The following GJA10 variants were observed in gnomAD, a reference collection of about 807,000 sequenced individuals.
The protein encoded by GJA10 is gap junction protein alpha 10.
For synonymous variants in GJA10, 239 were observed against 233.0 expected (o/e 1.03, Z -0.23); for missense variants, 685 against 651.9 (o/e 1.05, Z -0.55).
At position 89,895,998 on chromosome 6, in the gene GJA10, G is replaced by T. The variant is rs1484300114; in HGVS notation, c.1530G>T (p.Val510=). Residue 510 remains valine, a synonymous_variant, in exon 1 of 1, where the codon GTG becomes GTT. Transcript: ENST00000369352. The stretch of plus-strand genomic sequence containing the variant: ...TTTTTCCTTTCTTTCTTCCTGGGGT[G>T]TGTATGTATGTTTGTGTTGACAGAG... ...CFLFPFFLPG[V]CMYVCVDREA... is the part of the protein sequence containing the mutation. 1.6e-5 allele frequency: 26 copies of T among 1,613,948 alleles called. No individual in the cohort carries two copies. Among genetic ancestry groups the T allele is most frequent in the Non-Finnish European group, 2.0e-5 (24 of 1,179,966 alleles).
Position 89,894,764 on chromosome 6 carries a change from G to A in GJA10, c.296G>A (p.Arg99Lys). 6.2e-7 allele frequency: 1 copy of A among 1,614,190 alleles called. No individual in the cohort carries two copies. The highest frequency in any genetic ancestry group is 1.3e-5 in the African/African-American group (1 of 75,040). The part of the protein sequence containing the change: ...SLVYMGHALY[R>K]LRAFEKDRQR... ...GTCTATATGGGCCATGCACTTTATA[G>A]GCTCAGGGCCTTTGAGAAAGACAGG... Residue 99 changes from arginine to lysine, a missense_variant, in exon 1 of 1, where the codon AGG (arginine) becomes AAG (lysine). Coordinates refer to ENST00000369352, the MANE Select transcript of GJA10 (RefSeq NM_032602.2).
rs776551803 is a variant in GJA10 at position 89,894,706 on chromosome 6, T to A, written c.238T>A (p.Leu80Ile). Residue 80 changes from leucine to isoleucine, a missense_variant, in exon 1 of 1, where the codon TTA becomes ATA. By Grantham distance (5) the Leu-to-Ile change is conservative. Coordinates refer to ENST00000369352, the MANE Select transcript of GJA10 (RefSeq NM_032602.2). ...FPISLIRFWV[L>I]QIIFVSSPSL... ...TATCTCTTTGATCAGGTTCTGGGTT[T>A]TACAGATCATCTTTGTGTCTTCTCC... is the stretch of plus-strand genomic sequence containing the variant. The A allele has an allele frequency of 6.8e-6, 11 of 1,614,106 alleles. No homozygotes were observed. Among genetic ancestry groups the A allele is most frequent in the Non-Finnish European group, 8.5e-6 (10 of 1,180,048 alleles).
At position 89,895,670 on chromosome 6, in the gene GJA10, A is replaced by G; in HGVS notation, c.1202A>G (p.Asp401Gly). 1.2e-6 allele frequency: 2 copies of G among 1,614,196 alleles called. No individual in the cohort carries two copies. Among genetic ancestry groups the G allele is most frequent in the Non-Finnish European group, 1.7e-6 (2 of 1,180,032 alleles). ...GAACCCTCAGGTGAGCCTCTCACAG[A>G]TCTTCATAGTCACTGCAGAGACAGT... ...DPEPSGEPLT[D>G]LHSHCRDSEG... The change falls in exon 1 of 1, where the codon GAT becomes GGT. Residue 401 changes from aspartate to glycine, a missense_variant. Physicochemically the swap from Asp to Gly is moderately conservative, Grantham distance 94. Transcript: ENST00000369352.
chr6:89,894,597 T>C lies in GJA10; in HGVS notation c.129T>C (p.Asp43=). 6.2e-6 allele frequency: 10 copies of C among 1,614,228 alleles called. No homozygotes were observed. Among genetic ancestry groups the C allele is most frequent in the African/African-American group, 1.3e-5 (1 of 75,058 alleles). Residue 43 remains aspartate (D), a synonymous_variant, in exon 1 of 1, where the codon GAT becomes GAC. Coordinates refer to ENST00000369352, the MANE Select transcript of GJA10 (RefSeq NM_032602.2). ...RMLVLRVAAE[D]VWDDEQSAFA... ...TGGTACTTCGTGTGGCTGCTGAGGA[T>C]GTCTGGGATGATGAACAGTCAGCAT... is the stretch of plus-strand genomic sequence containing the variant.
In GJA10 at chr6:89,894,895, A is replaced by G. The variant is rs1244328882; in HGVS notation, c.427A>G (p.Arg143Gly). Residue 143 changes from arginine (R) to glycine (G), a missense_variant, in exon 1 of 1, where the codon AGG (arginine) becomes GGG (glycine). Coordinates refer to ENST00000369352, the MANE Select transcript of GJA10 (RefSeq NM_032602.2). ...RELRRLEEQKRIHKVPLKGCL... is the reference protein window; with the variant it reads ...RELRRLEEQKGIHKVPLKGCL... Reference sequence around the variant, plus strand: ...ACTGAGGAGGTTAGAGGAGCAGAAGAGGATCCATAAAGTCCCTCTGAAAGG... The same window carrying G: ...ACTGAGGAGGTTAGAGGAGCAGAAGGGGATCCATAAAGTCCCTCTGAAAGG... The G allele has an allele frequency of 6.2e-7, 1 of 1,614,092 alleles. No individual in the cohort carries two copies.
In GJA10 at chr6:89,895,997, T is replaced by C. The variant is rs1240534179; in HGVS notation, c.1529T>C (p.Val510Ala). ...CFLFPFFLPGVCMYVCVDREA... is the reference protein window; with the variant it reads ...CFLFPFFLPGACMYVCVDREA... The stretch of plus-strand genomic sequence containing the variant: ...CTTTTTCCTTTCTTTCTTCCTGGGG[T>C]GTGTATGTATGTTTGTGTTGACAGA... The change falls in exon 1 of 1, where the codon GTG becomes GCG. Residue 510 changes from valine to alanine, a missense_variant. Val to Ala is a moderately conservative substitution (Grantham distance 64). Transcript: ENST00000369352. The C allele has an allele frequency of 6.2e-7, 1 of 1,613,848 alleles. No homozygotes were observed. Among genetic ancestry groups the C allele is most frequent in the Non-Finnish European group, 8.5e-7 (1 of 1,179,908 alleles).
chr6:89,895,397 A>T lies in GJA10; in HGVS notation c.929A>T (p.Gln310Leu). 1 of 1,614,240 alleles carries T rather than the reference A, an allele frequency of 6.2e-7. No individual in the cohort carries two copies. Among genetic ancestry groups the T allele is most frequent in the East Asian group, 2.2e-5 (1 of 44,888 alleles). Residue 310 changes from glutamine to leucine, a missense_variant, in exon 1 of 1, where the codon CAA becomes CTA. By Grantham distance (113) the Gln-to-Leu change is moderately radical. Coordinates refer to ENST00000369352, the MANE Select transcript of GJA10 (RefSeq NM_032602.2). ...ATGTGGCAAATCCCACAGCCAAGGC[A>T]ACTTGAAGTAGACCCTTCCAATGGG... The part of the protein sequence containing the change: ...KTMWQIPQPR[Q>L]LEVDPSNGKK...
rs1470415209 is a variant in GJA10, at chr6:89,896,070, T to C, written c.1602T>C (p.His534=). 2.5e-6 allele frequency: 4 copies of C among 1,592,612 alleles called. No homozygotes were observed. In the South Asian group the frequency reaches 3.4e-5, roughly 13 times the overall value. Residue 534 remains histidine, a synonymous_variant, in exon 1 of 1, where the codon CAT becomes CAC. Transcript: ENST00000369352. ...ATTTATGGAGAGATAAAATTATTCATTCGATACATTCAGTTAAATTCAATT... is the reference window on the plus strand; with the variant it reads ...ATTTATGGAGAGATAAAATTATTCACTCGATACATTCAGTTAAATTCAATT... ...GDYLWRDKII[H]SIHSVKFNS
In GJA10 at chr6:89,894,903, T is replaced by A. The variant is rs750627146; in HGVS notation, c.435T>A (p.His145Gln). Residue 145 changes from histidine to glutamine, a missense_variant, in exon 1 of 1, where the codon CAT (histidine) becomes CAA (glutamine). Transcript: ENST00000369352. Reference protein sequence around the residue: ...LRRLEEQKRIHKVPLKGCLLR... With the variant: ...LRRLEEQKRIQKVPLKGCLLR... ...GGTTAGAGGAGCAGAAGAGGATCCA[T>A]AAAGTCCCTCTGAAAGGATGTCTGC... 6.2e-7 allele frequency: 1 copy of A among 1,614,064 alleles called. No individual in the cohort carries two copies. The highest frequency in any genetic ancestry group is 8.5e-7 in the Non-Finnish European group (1 of 1,180,042).
In GJA10 at chr6:89,894,594, G is replaced by A. The variant is rs1358490770; in HGVS notation, c.126G>A (p.Glu42=). The change falls in exon 1 of 1, where the codon GAG becomes GAA. Residue 42 remains glutamate, a synonymous_variant. Transcript: ENST00000369352. ...TGCTGGTACTTCGTGTGGCTGCTGA[G>A]GATGTCTGGGATGATGAACAGTCAG... The part of the protein sequence containing the change: ...FRMLVLRVAA[E]DVWDDEQSAF... 1 of 1,614,224 alleles carries A rather than the reference G, an allele frequency of 6.2e-7. No homozygotes were observed. The highest frequency in any genetic ancestry group is 1.1e-5 in the South Asian group (1 of 91,086).
rs1203954761 is a variant in GJA10, at chr6:89,895,892, G to A, written c.1424G>A (p.Gly475Glu). The A allele has an allele frequency of 1.2e-6, 2 of 1,614,112 alleles. No individual in the cohort carries two copies. Among genetic ancestry groups the A allele is most frequent in the Non-Finnish European group, 1.7e-6 (2 of 1,180,022 alleles). ...NSPSPLPSVT[G>E]HRTSMVRQAA... ...CCCTCACCTCTGCCTTCAGTCACTG[G>A]GCACAGAACATCAATGGTAAGACAG... Residue 475 changes from glycine to glutamate, a missense_variant, in exon 1 of 1, where the codon GGG becomes GAG. Physicochemically the swap from Gly to Glu is moderately conservative, Grantham distance 98. Transcript: ENST00000369352.
In GJA10 at chr6:89,894,826, A is replaced by G; in HGVS notation, c.358A>G (p.Asn120Asp). 1 of 1,614,212 alleles carries G rather than the reference A, an allele frequency of 6.2e-7. No homozygotes were observed. The highest frequency in any genetic ancestry group is 8.5e-7 in the Non-Finnish European group (1 of 1,180,046). Residue 120 changes from asparagine to aspartate, a missense_variant, in exon 1 of 1, where the codon AAT becomes GAT. Asn to Asp is a conservative substitution (Grantham distance 23). Coordinates refer to ENST00000369352, the MANE Select transcript of GJA10 (RefSeq NM_032602.2). Reference sequence around the variant, plus strand: ...GTCACACCTTAGAGCCCAGATGGAGAATCCAGATCTTGACTTGGAGGAGCA... The same window carrying G: ...GTCACACCTTAGAGCCCAGATGGAGGATCCAGATCTTGACTTGGAGGAGCA... ...KKSHLRAQMENPDLDLEEQQR... is the reference protein window; with the variant it reads ...KKSHLRAQMEDPDLDLEEQQR...
rs755491896 is a variant in GJA10 at position 89,895,293 on chromosome 6, A to G, written c.825A>G (p.Ser275=). ...CCCAGCAGTGTATGATTTGCTCTTC[A>G]TTGCCTGAAAGAATCTCTCCACTTC... ...SVAQQCMICS[S]LPERISPLQA... is the part of the protein sequence containing the mutation. Residue 275 remains serine, a synonymous_variant, in exon 1 of 1, where the codon TCA becomes TCG. Transcript: ENST00000369352. 1.6e-5 allele frequency: 26 copies of G among 1,614,080 alleles called. No individual in the cohort carries two copies. The highest frequency in any genetic ancestry group is 3.3e-5 in the Admixed American group (2 of 60,000).
chr6:89,895,535 C>A lies in GJA10; in HGVS notation c.1067C>A (p.Ser356Tyr), dbSNP rs1279116552. The change falls in exon 1 of 1, where the codon TCC becomes TAC. Residue 356 changes from serine to tyrosine, a missense_variant. Transcript: ENST00000369352. ...CACCTGGGACAGCAATCAGACCATT[C>A]CTCATTTGGCCTGCAGAATACAATG... Reference protein sequence around the residue: ...NQHLGQQSDHSSFGLQNTMSQ... With the variant: ...NQHLGQQSDHYSFGLQNTMSQ... The A allele has an allele frequency of 2.5e-6, 4 of 1,614,062 alleles. No individual in the cohort carries two copies. Among genetic ancestry groups the A allele is most frequent in the Middle Eastern group, 1.6e-4 (1 of 6,082 alleles).
Position 89,896,118 on chromosome 6 carries a change from C to T in GJA10, c.*18C>T. 1 of 1,504,796 alleles carries T rather than the reference C, an allele frequency of 6.6e-7. No homozygotes were observed. Among genetic ancestry groups the T allele is most frequent in the Non-Finnish European group, 9.0e-7 (1 of 1,113,944 alleles). 93.2% of individuals were successfully genotyped at this position (1,504,796 alleles called of 1,614,324 possible). A position where few individuals can be genotyped will look rare whatever the true frequency, so the allele number is the denominator to read the frequency against. ...ATTCATAAAATAGACTTAGAAAAATCTTATTATATCAATCGCTCTTATAAG... is the reference window on the plus strand; with the variant it reads ...ATTCATAAAATAGACTTAGAAAAATTTTATTATATCAATCGCTCTTATAAG... On this transcript the variant is annotated 3_prime_UTR_variant, in exon 1 of 1. Coordinates refer to ENST00000369352, the MANE Select transcript of GJA10 (RefSeq NM_032602.2).
rs771868126 is a variant in GJA10 at position 89,895,559 on chromosome 6, T to A, written c.1091T>A (p.Met364Lys). Residue 364 changes from methionine to lysine, a missense_variant, in exon 1 of 1, where the codon ATG becomes AAG. Met to Lys is a moderately conservative substitution (Grantham distance 95, BLOSUM62 -1). Coordinates refer to ENST00000369352, the MANE Select transcript of GJA10 (RefSeq NM_032602.2). Reference protein sequence around the residue: ...DHSSFGLQNTMSQSWLGTTTA... With the variant: ...DHSSFGLQNTKSQSWLGTTTA... ...TCCTCATTTGGCCTGCAGAATACAATGTCTCAGTCCTGGCTAGGTACAACT... is the reference window on the plus strand; with the variant it reads ...TCCTCATTTGGCCTGCAGAATACAAAGTCTCAGTCCTGGCTAGGTACAACT... 1.2e-6 allele frequency: 2 copies of A among 1,614,142 alleles called. No individual in the cohort carries two copies. The highest frequency in any genetic ancestry group is 8.5e-7 in the Non-Finnish European group (1 of 1,180,022).
In GJA10 at chr6:89,894,519, C is replaced by G; in HGVS notation, c.51C>G (p.His17Gln). 1 of 1,614,164 alleles carries G rather than the reference C, an allele frequency of 6.2e-7. No individual in the cohort carries two copies. The highest frequency in any genetic ancestry group is 8.5e-7 in the Non-Finnish European group (1 of 1,180,004). ...LGGILEEVHS[H>Q]STIVGKIWLT... ...GCATCCTAGAGGAAGTTCACTCCCA[C>G]TCAACCATAGTGGGGAAAATCTGGC... Residue 17 changes from histidine (H) to glutamine (Q), a missense_variant, in exon 1 of 1, where the codon CAC becomes CAG. Transcript: ENST00000369352.
In GJA10 at chr6:89,895,235, G is replaced by A. The variant is rs1350460279; in HGVS notation, c.767G>A (p.Gly256Asp). Residue 256 changes from glycine (G) to aspartate (D), a missense_variant, in exon 1 of 1, where the codon GGC (glycine) becomes GAC (aspartate). Physicochemically the swap from Gly to Asp is moderately conservative, Grantham distance 94. Transcript: ENST00000369352. ...AGTGAGGGCATTGAGGATGAAACAG[G>A]CCCTCCATTCCATTTGAAGAAATAT... ...SSSEGIEDET[G>D]PPFHLKKYSV... 12 of 1,614,012 alleles carry A rather than the reference G, an allele frequency of 7.4e-6. No homozygotes were observed. Among genetic ancestry groups the A allele is most frequent in the South Asian group, 4.4e-5 (4 of 91,078 alleles).
rs1460135295 is a variant in GJA10, at chr6:89,895,403, A to G, written c.935A>G (p.Glu312Gly). Residue 312 changes from glutamate to glycine, a missense_variant, in exon 1 of 1, where the codon GAA becomes GGA. Physicochemically the swap from Glu to Gly is moderately conservative, Grantham distance 98. Coordinates refer to ENST00000369352, the MANE Select transcript of GJA10 (RefSeq NM_032602.2). The part of the protein sequence containing the change: ...MWQIPQPRQL[E>G]VDPSNGKKDW... ...CAAATCCCACAGCCAAGGCAACTTG[A>G]AGTAGACCCTTCCAATGGGAAAAAG... 6.2e-7 allele frequency: 1 copy of G among 1,614,248 alleles called. No homozygotes were observed. Among genetic ancestry groups the G allele is most frequent in the Non-Finnish European group, 8.5e-7 (1 of 1,180,050 alleles).
Sources: gnomAD v4.1 joint callset for allele counts on GRCh38, gnomAD v4.1.1 for gene constraint, MANE v1.5 for transcripts, NCBI Gene and HGNC (gene_info 2026-07-23, HGNC 2026-07-21) for gene names.